EIPR1: variants seen among roughly 807,000 people sequenced by gnomAD.
EIPR1 encodes the protein EARP and GARP complex-interacting protein 1.
EIPR1 carries 25 observed loss-of-function variants against 48.1 expected under a neutral mutation model. That is an observed-to-expected ratio of 0.52 (90% confidence interval 0.38 to 0.73). EIPR1 has a LOEUF of 0.73. Ranked by LOEUF, EIPR1 falls within the 30% of genes least tolerant of loss-of-function variation. EIPR1 has a pLI of 0.00. For synonymous variants in EIPR1, 204 were observed against 201.9 expected (o/e 1.01, Z -0.09); for missense variants, 415 against 506.2 (o/e 0.82, Z 1.73).
At chr2:3,357,554 C>T (rs1265903097) in intron 1 of EIPR1, among the ~76,000 whole-genome samples, 1 of 152,210 alleles carries the variant, frequency 6.6e-6, no homozygotes, top group Admixed American at 6.5e-5. Flanking sequence ...CATACTTCAA[C>T]CACTCATACA....
At chr2:3,360,062 C>A (rs552901800) in intron 1 of EIPR1, among the ~76,000 whole-genome samples, 1 of 152,138 alleles carries the variant, frequency 6.6e-6, no homozygotes, top group Non-Finnish European at 1.5e-5. Context: ...GAACACAGGT[C>A]CCTTTATACT....
intron 3 of EIPR1, chr2:3,319,910 G>A (rs76218364): frequency 1.1e-4 from 9 of 84,144 alleles, no homozygotes; most frequent in South Asian, 7.4e-4. Flanking sequence ...GGACAACACC[G>A]CACCTGTGGG....
chr2:3,292,227 G>C (rs1402729469), intron 3 of EIPR1, among the ~76,000 whole-genome samples: 2 of 152,230 alleles, frequency 1.3e-5, no homozygotes, highest in Non-Finnish European at 2.9e-5. Context: ...GGCCAGACTG[G>C]GACCCAGTCC....
chr2:3,372,030 ATC>A lies in EIPR1; in HGVS notation c.42+5616_42+5617del, dbSNP rs776159899. Among the ~76,000 whole-genome samples the A allele has an allele frequency of 1.4e-3, 217 of 152,084 alleles. 2 individuals are homozygous for A. In the Middle Eastern group the frequency reaches 0.024, roughly 17 times the overall value. The stretch of plus-strand genomic sequence containing the variant: ...AAAAGAACAGAAATTATAACAAACT[ATC>A]TCTCAGACAACAGTGCAATCAAACT... On this transcript the variant is annotated intron_variant, in intron 1 of 8. Coordinates refer to ENST00000382125, the MANE Select transcript of EIPR1 (RefSeq NM_003310.5).
At chr2:3,348,682 C>T (rs184334572) in intron 2 of EIPR1, among the ~76,000 whole-genome samples, 63 of 152,342 alleles carry the variant, frequency 4.1e-4, no homozygotes, top group African/African-American at 1.5e-3. Flanking sequence ...AGAAAGATAG[C>T]GCAGCTGCAT....
intron 4 of EIPR1, among the ~76,000 whole-genome samples, chr2:3,224,819 G>A (rs932815909): frequency 9.2e-5 from 14 of 152,156 alleles, no homozygotes; most frequent in South Asian, 2.1e-4. Flanking sequence ...ACAACCTGCC[G>A]GAACCCCTGT....
chr2:3,189,146 T>C lies in EIPR1; in HGVS notation c.*188A>G. 2.0e-6 allele frequency: 1 copy of C among 495,302 alleles called. No homozygotes were observed. The highest frequency in any genetic ancestry group is 3.4e-6 in the Non-Finnish European group (1 of 297,540). The allele number at this position is 495,302 out of a possible 1,614,324, so 30.7% of individuals were successfully genotyped here. A position where few individuals can be genotyped will look rare whatever the true frequency, so the allele number is the denominator to read the frequency against. On this transcript the variant is annotated 3_prime_UTR_variant, in exon 9 of 9. Transcript: ENST00000382125. The surrounding 1 kb of genome is among the most constrained non-coding windows in gnomAD (Gnocchi z 4.6). ...TGCCGACAGGGGCTGGGTTCGGGCA[T>C]TAGCTGTGCCGTCGACAATAGCCCC... is the stretch of plus-strand genomic sequence containing the variant.
intron 4 of EIPR1, 100 bp downstream of exon 4, chr2:3,257,199 G>T: frequency 7.6e-7 from 1 of 1,307,370 alleles, no homozygotes; most frequent in Non-Finnish European, 1.0e-6. Flanking sequence ...GAGCGTTTCC[G>T]AGGTGTGGAC....
At chr2:3,193,617 G>C (rs1048306186) in intron 7 of EIPR1, among the ~76,000 whole-genome samples, 11 of 152,146 alleles carry the variant, frequency 7.2e-5, no homozygotes, top group Admixed American at 7.2e-4. Flanking sequence ...ACATTCTCCC[G>C]ACAGCTGCAT....
intron 4 of EIPR1, among the ~76,000 whole-genome samples, chr2:3,238,940 A>T (rs1666504766): frequency 6.6e-6 from 1 of 152,226 alleles, no homozygotes; most frequent in Non-Finnish European, 1.5e-5. Context: ...CCCGGGATGG[A>T]GAAACTCCCA....
chr2:3,206,346 TG>T (rs1665234245), intron 5 of EIPR1, among the ~76,000 whole-genome samples: 1 of 152,178 alleles, frequency 6.6e-6, no homozygotes, highest in African/African-American at 2.4e-5. Context: ...CCAGCTTGAA[TG>T]GGACACAGAG....
intron 3 of EIPR1, among the ~76,000 whole-genome samples, chr2:3,296,762 A>ACACACACAGATTGTTCCCTCTCTG (rs1352365343): frequency 6.6e-6 from 1 of 151,158 alleles, no homozygotes; most frequent in Non-Finnish European, 1.5e-5. Flanking sequence ...TATCCTCTCT[A>ACACACACAGATTGTTCCCTCTCTG]CACACACAGA....
At chr2:3,277,570 C>CG in intron 3 of EIPR1, among the ~76,000 whole-genome samples, 1 of 152,312 alleles carries the variant, frequency 6.6e-6, no homozygotes, top group South Asian at 2.1e-4. Context: ...GGTGAACAAC[C>CG]CCAGGCCGTG....
At chr2:3,327,023 C>T (rs1425160706) in intron 3 of EIPR1, among the ~76,000 whole-genome samples, 2 of 152,196 alleles carry the variant, frequency 1.3e-5, no homozygotes, top group Admixed American at 1.3e-4. Context: ...CGCGTCCAGG[C>T]CTGCCGGGGG....
intron 3 of EIPR1, among the ~76,000 whole-genome samples, chr2:3,291,428 C>T (rs1021546475): frequency 6.6e-6 from 1 of 152,184 alleles, no homozygotes; most frequent in East Asian, 1.9e-4. Context: ...GGGTGCTGAA[C>T]ACTTAGAACT....
At chr2:3,234,134 T>C (rs1346491815) in intron 4 of EIPR1, among the ~76,000 whole-genome samples, 1 of 152,076 alleles carries the variant, frequency 6.6e-6, no homozygotes, top group Non-Finnish European at 1.5e-5. Context: ...TCCATATTAC[T>C]GCTAGAATTA....
intron 4 of EIPR1, among the ~76,000 whole-genome samples, chr2:3,252,242 C>A (rs756467998): frequency 6.6e-6 from 1 of 152,176 alleles, no homozygotes; most frequent in Non-Finnish European, 1.5e-5. Flanking sequence ...GAACACCACA[C>A]GTGAGTGAGA....
At chr2:3,291,044 A>C (rs997147501) in intron 3 of EIPR1, among the ~76,000 whole-genome samples, 3 of 152,194 alleles carry the variant, frequency 2.0e-5, no homozygotes, top group African/African-American at 7.2e-5. Flanking sequence ...CTTCTGCCCA[A>C]GTCCCTAAGA....
At chr2:3,295,936 GCA>G (rs1553296577) in intron 3 of EIPR1, among the ~76,000 whole-genome samples, 1 of 37,826 alleles carries the variant, frequency 2.6e-5, no homozygotes, top group Admixed American at 3.6e-4. Flanking sequence ...TCCTCTCCTT[GCA>G]CACACACACC....
Sources: allele counts gnomAD v4.1 joint callset (sites outside exome capture counted in the v4.1 genomes callset), GRCh38; gene constraint gnomAD v4.1.1; non-coding constraint Gnocchi (gnomAD v3.1); transcripts MANE v1.5; gene names NCBI Gene and HGNC (gene_info 2026-07-23, HGNC 2026-07-21).